CACNA1S: variants seen among roughly 807,000 people sequenced by gnomAD.
CACNA1S encodes the protein voltage-dependent L-type calcium channel subunit alpha-1S.
In CACNA1S, 126 loss-of-function variants were observed where a neutral mutation model predicts 207.4. The ratio of observed to expected loss-of-function variants is 0.61; its 90% CI spans 0.53 to 0.70. The LOEUF is 0.70. Among genes scored for constraint, CACNA1S ranks in the 30% least tolerant of loss-of-function variants. The probability of loss-of-function intolerance (pLI) is 0.00; values close to 1 mark genes in which losing one functional copy is unlikely to be tolerated. For missense variants in CACNA1S, 2,349 were observed against 2,422.8 expected (o/e 0.97, Z 0.64); for synonymous variants, 960 against 932.7 (o/e 1.03, Z -0.53).
chr1:201,043,600 G>T lies in CACNA1S; in HGVS notation c.4798-69C>A. 2.1e-6 allele frequency: 3 copies of T among 1,406,050 alleles called. No individual in the cohort carries two copies. The East Asian group carries it at 6.8e-5, about 32-fold the overall frequency. The allele number at this position is 1,406,050 out of a possible 1,614,324, so 87.1% of individuals were successfully genotyped here. On this transcript the variant is annotated intron_variant, in intron 39 of 43. Coordinates refer to ENST00000362061, the MANE Select transcript of CACNA1S (RefSeq NM_000069.3). Reference sequence around the variant, plus strand: ...AGGGCATGGGGGGCTGTCACTCTGGGACAGTGGTATTGGGAACAAGCAATA... The same window carrying T: ...AGGGCATGGGGGGCTGTCACTCTGGTACAGTGGTATTGGGAACAAGCAATA...
chr1:201,076,625 C>G (rs528825690), intron 12 of CACNA1S, among the ~76,000 whole-genome samples: 1 of 152,360 alleles, frequency 6.6e-6, no homozygotes, highest in South Asian at 2.1e-4. Context: ...CATCCGGACT[C>G]CCAGGCCATC....
At chr1:201,067,852 G>T (rs1261360330) in intron 19 of CACNA1S, among the ~76,000 whole-genome samples, 1 of 152,158 alleles carries the variant, frequency 6.6e-6, no homozygotes, top group African/African-American at 2.4e-5. Context: ...CAATAGTTGA[G>T]GCCCCGAAAT....
In CACNA1S at chr1:201,053,925, C is replaced by T; in HGVS notation, c.3667-338G>A. ...GACCTGCTGCACATCTCACAATCTCCTCAAGCTGCCACTGAGTCGAGGACC... is the reference window on the plus strand; with the variant it reads ...GACCTGCTGCACATCTCACAATCTCTTCAAGCTGCCACTGAGTCGAGGACC... On this transcript the variant is annotated intron_variant, in intron 29 of 43. Transcript: ENST00000362061. The surrounding 1 kb of genome is among the most constrained non-coding windows in gnomAD (Gnocchi z 5.1). 6.6e-6 allele frequency among the ~76,000 whole-genome samples: 1 copy of T among 152,162 alleles called. No individual in the cohort carries two copies. The highest frequency in any genetic ancestry group is 1.9e-4 in the East Asian group (1 of 5,176).
rs1181192980 is a variant in CACNA1S at position 201,066,087 on chromosome 1, C to T, written c.2745+142G>A. On this transcript the variant is annotated intron_variant, in intron 21 of 43. Coordinates refer to ENST00000362061, the MANE Select transcript of CACNA1S (RefSeq NM_000069.3). The surrounding 1 kb of genome is among the most constrained non-coding windows in gnomAD (Gnocchi z 4.3). ...AAAGGCTGGTGGGGAAGCATAGCTA[C>T]CCCAGCCTCATCCTTACCCCTATCT... 5 of 948,314 alleles carry T rather than the reference C, an allele frequency of 5.3e-6. No individual in the cohort carries two copies. The highest frequency in any genetic ancestry group is 8.4e-6 in the Non-Finnish European group (5 of 596,732). The allele number at this position is 948,314 out of a possible 1,614,324, so 58.7% of individuals were successfully genotyped here. A position where few individuals can be genotyped will look rare whatever the true frequency, so the allele number is the denominator to read the frequency against.
Position 201,066,478 on chromosome 1 carries a change from C to T in CACNA1S, c.2658-162G>A, listed in dbSNP as rs975565237. Among the ~76,000 whole-genome samples, 2 of 152,124 alleles carry T rather than the reference C, an allele frequency of 1.3e-5. No homozygotes were observed. The highest frequency in any genetic ancestry group is 2.9e-5 in the Non-Finnish European group (2 of 68,024). ...TTTCCTCCAGCCGTGAGAGTGTGCCCGACTCCAGGGCACAGCCACCCCTGC... is the reference window on the plus strand; with the variant it reads ...TTTCCTCCAGCCGTGAGAGTGTGCCTGACTCCAGGGCACAGCCACCCCTGC... On this transcript the variant is annotated intron_variant, in intron 20 of 43. Transcript: ENST00000362061. The surrounding 1 kb of genome is among the most constrained non-coding windows in gnomAD (Gnocchi z 4.3).
chr1:201,078,189 A>C (rs1661703276), intron 10 of CACNA1S, 85 bp from the exon 11 acceptor site: 7 of 1,067,364 alleles, frequency 6.6e-6, no homozygotes, highest in Non-Finnish European at 1.0e-5. Flanking sequence ...GCCTCAACCC[A>C]GGACGCCCCT....
chr1:201,080,268 G>A (rs1427201920), intron 10 of CACNA1S, among the ~76,000 whole-genome samples: 1 of 152,074 alleles, frequency 6.6e-6, no homozygotes, highest in Non-Finnish European at 1.5e-5. Flanking sequence ...AAAGCTCAGG[G>A]ATACTGCTCA....
rs1331653620 is a variant in CACNA1S at position 201,057,798 on chromosome 1, T to C, written c.3609+610A>G. On this transcript the variant is annotated intron_variant, in intron 28 of 43. Transcript: ENST00000362061. ...GCAACACGAGGAGACTCCATCTCTATATTTCAAAAACATATTTTTTAAAAA... is the reference window on the plus strand; with the variant it reads ...GCAACACGAGGAGACTCCATCTCTACATTTCAAAAACATATTTTTTAAAAA... Among the ~76,000 whole-genome samples the C allele has an allele frequency of 3.9e-5, 5 of 127,584 alleles. No homozygotes were observed. The East Asian group carries it at 1.6e-3, about 41-fold the overall frequency. The allele number at this position is 127,584 out of a possible 152,430, so 83.7% of individuals were successfully genotyped here. A position where few individuals can be genotyped will look rare whatever the true frequency, so the allele number is the denominator to read the frequency against.
Position 201,039,894 on chromosome 1 carries a change from G to A in CACNA1S, c.5559C>T (p.Ser1853=), listed in dbSNP as rs1258648349. 6.2e-7 allele frequency: 1 copy of A among 1,613,046 alleles called. No individual in the cohort carries two copies. The highest frequency in any genetic ancestry group is 8.5e-7 in the Non-Finnish European group (1 of 1,180,022). The change falls in exon 44 of 44, where the codon TCC becomes TCT. Residue 1853 remains serine (S), a synonymous_variant. Transcript: ENST00000362061. ...ASSLGCLNLG[S]SLGSLDQHQG... ...GGTGTTGGTCGAGGCTGCCCAGGGA[G>A]GACCCGAGGTTCAGGCATCCCAGGG...
intron 2 of CACNA1S, among the ~76,000 whole-genome samples, chr1:201,096,324 C>T (rs373096578): frequency 5.9e-5 from 9 of 152,304 alleles, no homozygotes; most frequent in East Asian, 3.9e-4. Context: ...GCCCCCGTTC[C>T]GGAGGAGAGG....
intron 2 of CACNA1S, among the ~76,000 whole-genome samples, chr1:201,096,936 C>G (rs1436020776): frequency 2.6e-5 from 4 of 152,124 alleles, no homozygotes; most frequent in African/African-American, 7.2e-5. Flanking sequence ...TGGCTTCGAC[C>G]CACCTCACAC....
intron 28 of CACNA1S, 41 bp from the exon 29 acceptor site, chr1:201,054,602 G>C (rs372437036): frequency 6.5e-7 from 1 of 1,544,716 alleles, no homozygotes; most frequent in African/African-American, 1.4e-5. Context: ...GGAGAGGAGA[G>C]AGAGGAGGAG....
intron 22 of CACNA1S, among the ~76,000 whole-genome samples, chr1:201,064,030 T>C (rs575926145): frequency 6.6e-6 from 1 of 152,344 alleles, no homozygotes; most frequent in South Asian, 2.1e-4. Context: ...GGTCTTTTAA[T>C]GAGAGACAAA....
At chr1:201,050,019 G>T (rs558071633) in intron 34 of CACNA1S, among the ~76,000 whole-genome samples, 23 of 152,206 alleles carry the variant, frequency 1.5e-4, no homozygotes, top group Non-Finnish European at 2.8e-4. Flanking sequence ...GCAAGAGTTA[G>T]ATTCAGTCAG....
rs1313284404 is a variant in CACNA1S at position 201,083,260 on chromosome 1, T to C, written c.1295A>G (p.Lys432Arg). The change falls in exon 10 of 44, where the codon AAG becomes AGG. Residue 432 changes from lysine to arginine, a missense_variant. Transcript: ENST00000362061. ...GAGAATCACCAGCCAATAGAAGACC[T>C]TGGACTTCACGATGTCATGGCACTT... Reference protein sequence around the residue: ...RWKCHDIVKSKVFYWLVILIV... With the variant: ...RWKCHDIVKSRVFYWLVILIV... 3 of 1,614,190 alleles carry C rather than the reference T, an allele frequency of 1.9e-6. 1 individual carries two copies. In the Admixed American group the frequency reaches 5.0e-5, roughly 27 times the overall value.
intron 26 of CACNA1S, among the ~76,000 whole-genome samples, chr1:201,060,151 G>A (rs1361651624): frequency 2.0e-5 from 3 of 152,206 alleles, no homozygotes; most frequent in Non-Finnish European, 4.4e-5. Context: ...GGAGCAGGGA[G>A]CCTAGTTACA....
At chr1:201,065,011 C>T (rs1043917783) in intron 22 of CACNA1S, among the ~76,000 whole-genome samples, 5 of 151,980 alleles carry the variant, frequency 3.3e-5, no homozygotes, top group African/African-American at 9.7e-5. Context: ...TGGGAGGAAG[C>T]GGGCAAGGGT....
At chr1:201,102,000 T>C (rs896567230) in intron 2 of CACNA1S, among the ~76,000 whole-genome samples, 5 of 152,070 alleles carry the variant, frequency 3.3e-5, no homozygotes, top group African/African-American at 1.2e-4. Context: ...CTTTCAAGGA[T>C]GTGTGTGAAG....
intron 14 of CACNA1S, 55 bp from the exon 15 acceptor site, chr1:201,073,697 T>C (rs1572046053): frequency 2.2e-6 from 3 of 1,372,916 alleles, no homozygotes; most frequent in Non-Finnish European, 3.1e-6. Context: ...AGGGATCTGC[T>C]GAACCTGACA....
Sources: gnomAD v4.1 joint callset for allele counts (sites outside exome capture counted in the v4.1 genomes callset) on GRCh38, gnomAD v4.1.1 for gene constraint, Gnocchi (gnomAD v3.1) non-coding constraint, MANE v1.5 for transcripts, NCBI Gene and HGNC (gene_info 2026-07-23, HGNC 2026-07-21) for gene names.